RAPGEF6: variants seen among roughly 807,000 people sequenced by gnomAD.
The protein encoded by RAPGEF6 is PDZ domain containing guanine nucleotide exchange factor (GEF) 2.
Under a neutral mutation model 171.4 loss-of-function variants are expected in RAPGEF6, and 56 were observed. The observed-to-expected ratio is 0.33, with a 90% CI of 0.26 to 0.41. The LOEUF (loss-of-function observed/expected upper bound fraction) is 0.41. RAPGEF6 is among the 10% of genes least tolerant of loss of function. The pLI is 1.00. For synonymous variants in RAPGEF6, 692 were observed against 650.1 expected (o/e 1.06, Z -0.98); for missense variants, 1,674 against 1,921.4 (o/e 0.87, Z 2.41).
chr5:131,500,376 T>C (rs1469276099), intron 11 of RAPGEF6, among the ~76,000 whole-genome samples: 1 of 152,184 alleles, frequency 6.6e-6, no homozygotes, highest in African/African-American at 2.4e-5. Context: ...TAGGGTCATT[T>C]AGGTTCACTT....
At position 131,464,193 on chromosome 5, in the gene RAPGEF6, T is replaced by C. The variant is rs746519573; in HGVS notation, c.2328A>G (p.Val776=). 84 of 1,613,822 alleles carry C rather than the reference T, an allele frequency of 5.2e-5. No individual in the cohort carries two copies. In the South Asian group the frequency reaches 8.7e-4, roughly 17 times the overall value. ...IISKDTTAKE[V]VFHAVHEFGL... is the part of the protein sequence containing the mutation. ...CAAATTCATGAACAGCATGAAAAAC[T>C]ACTTCTTTAGCTGTGGTGTCTTTAC... The change falls in exon 18 of 28, where the codon GTA becomes GTG. Residue 776 remains valine (V), a synonymous_variant. Transcript: ENST00000509018.
chr5:131,595,587 A>C (rs1297939034), intron 3 of RAPGEF6, among the ~76,000 whole-genome samples: 1 of 152,194 alleles, frequency 6.6e-6, no homozygotes, highest in Non-Finnish European at 1.5e-5. Flanking sequence ...AAGGAGAAAG[A>C]GAAAGGAAAC....
intron 18 of RAPGEF6, among the ~76,000 whole-genome samples, chr5:131,463,411 T>G (rs1423515706): frequency 6.6e-6 from 1 of 152,006 alleles, no homozygotes; most frequent in African/African-American, 2.4e-5. Flanking sequence ...AAACCTCGTC[T>G]CTACTAAAAA....
chr5:131,543,623 G>A (rs774988517), intron 6 of RAPGEF6, among the ~76,000 whole-genome samples: 1 of 152,076 alleles, frequency 6.6e-6, no homozygotes, highest in Non-Finnish European at 1.5e-5. Context: ...AGGCAAACCC[G>A]GTATTACAAT....
At chr5:131,585,695 G>A (rs4705891) in intron 4 of RAPGEF6, among the ~76,000 whole-genome samples, 18,357 of 151,964 alleles carry the variant, frequency 0.12, 1,419 homozygotes, top group Middle Eastern at 0.18. Flanking sequence ...GTGTGGTGGC[G>A]GGCACCTGTA....
intron 15 of RAPGEF6, among the ~76,000 whole-genome samples, chr5:131,480,360 A>G (rs1755389548): frequency 6.6e-6 from 1 of 152,206 alleles, no homozygotes; most frequent in Admixed American, 6.5e-5. Context: ...GGATAACTAC[A>G]TATGTCACTT....
chr5:131,606,038 AAAAAAAAAAAAAAAAG>A (rs1764546831), intron 1 of RAPGEF6, among the ~76,000 whole-genome samples: 1 of 144,542 alleles, frequency 6.9e-6, no homozygotes, highest in African/African-American at 2.7e-5. Context: ...TCAAAAAAAA[AAAAAAAAAAAAAAAAG>A]AAAAAGAAAA....
intron 1 of RAPGEF6, among the ~76,000 whole-genome samples, chr5:131,628,691 T>C (rs1299721352): frequency 6.6e-6 from 1 of 152,186 alleles, no homozygotes; most frequent in Non-Finnish European, 1.5e-5. Context: ...AAGGACAGGC[T>C]GACTCCTGTT....
intron 15 of RAPGEF6, among the ~76,000 whole-genome samples, chr5:131,481,545 A>G (rs779225217): frequency 1.3e-5 from 2 of 152,164 alleles, no homozygotes; most frequent in Non-Finnish European, 2.9e-5. Flanking sequence ...ATATCTTTCT[A>G]TCAAGTCTAA....
Position 131,449,544 on chromosome 5 carries a change from T to C in RAPGEF6, c.3201-2841A>G, listed in dbSNP as rs77686353. Reference sequence around the variant, plus strand: ...ATATTTACTTTTATAAAATGTGGCATTTGAATAAAAGAAAGTGGTGTGAAC... The same window carrying C: ...ATATTTACTTTTATAAAATGTGGCACTTGAATAAAAGAAAGTGGTGTGAAC... On this transcript the variant is annotated intron_variant, in intron 21 of 27. Coordinates refer to ENST00000509018, the MANE Select transcript of RAPGEF6 (RefSeq NM_016340.6). Among the ~76,000 whole-genome samples, 1,035 of 152,282 alleles carry C rather than the reference T, an allele frequency of 6.8e-3. 7 individuals are homozygous for C. Among genetic ancestry groups the C allele is most frequent in the Non-Finnish European group, 8.7e-3 (595 of 68,018 alleles).
At chr5:131,463,991 C>A in intron 18 of RAPGEF6, 50 bp downstream of exon 18, 1 of 1,513,832 alleles carries the variant, frequency 6.6e-7, no homozygotes, top group East Asian at 2.3e-5. Context: ...AACAGGAAAT[C>A]TTCAAAAGCA....
intron 1 of RAPGEF6, among the ~76,000 whole-genome samples, chr5:131,618,223 G>C (rs1765388771): frequency 6.6e-6 from 1 of 152,046 alleles, no homozygotes; most frequent in African/African-American, 2.4e-5. Context: ...TGACAATATT[G>C]AACACAAAAA....
intron 27 of RAPGEF6, 41 bp downstream of exon 27, chr5:131,428,861 G>A: frequency 6.5e-7 from 1 of 1,545,670 alleles, no homozygotes; most frequent in Non-Finnish European, 8.9e-7. Context: ...AATGTGTTCA[G>A]CAATTCATTT....
At chr5:131,487,453 T>C (rs1204283617) in intron 15 of RAPGEF6, among the ~76,000 whole-genome samples, 1 of 152,214 alleles carries the variant, frequency 6.6e-6, no homozygotes, top group Admixed American at 6.5e-5. Context: ...AGAGTGCTAA[T>C]TGGTCCATTT....
intron 1 of RAPGEF6, 100 bp from the exon 2 acceptor site, chr5:131,604,793 C>A (rs1580662553): frequency 2.2e-6 from 3 of 1,362,404 alleles, no homozygotes; most frequent in Non-Finnish European, 2.9e-6. Flanking sequence ...CCACTTATGG[C>A]AAAGCAGTTA....
At chr5:131,478,019 A>G (rs1380428724) in intron 16 of RAPGEF6, among the ~76,000 whole-genome samples, 2 of 152,028 alleles carry the variant, frequency 1.3e-5, no homozygotes, top group Admixed American at 6.5e-5. Context: ...CTTTTCTTAC[A>G]GTGTTTGCTA....
chr5:131,444,809 T>C (rs757873100), intron 22 of RAPGEF6, among the ~76,000 whole-genome samples: 3 of 152,232 alleles, frequency 2.0e-5, no homozygotes, highest in Non-Finnish European at 1.5e-5. Context: ...TCAAATTACC[T>C]GGGAAAAAAT....
intron 4 of RAPGEF6, among the ~76,000 whole-genome samples, chr5:131,566,162 A>G (rs1428993842): frequency 2.6e-5 from 4 of 151,980 alleles, no homozygotes; most frequent in African/African-American, 7.2e-5. Context: ...AGAAAGAAAA[A>G]AAAAAAAGGA....
Position 131,564,355 on chromosome 5 carries a change from T to G in RAPGEF6, c.282-2308A>C, listed in dbSNP as rs138524225. Among the ~76,000 whole-genome samples, 697 of 151,980 alleles carry G rather than the reference T, an allele frequency of 4.6e-3. 6 individuals are homozygous for G. The highest frequency in any genetic ancestry group is 6.8e-3 in the Middle Eastern group (2 of 294). On this transcript the variant is annotated intron_variant, in intron 4 of 27. Transcript: ENST00000509018. Reference sequence around the variant, plus strand: ...ACTGTGGATATGTGAGAACAAAGAGTCACAGAGGAAAGACGACATAATACA... The same window carrying G: ...ACTGTGGATATGTGAGAACAAAGAGGCACAGAGGAAAGACGACATAATACA...
Sources: allele counts gnomAD v4.1 joint callset (sites outside exome capture counted in the v4.1 genomes callset), GRCh38; gene constraint gnomAD v4.1.1; transcripts MANE v1.5; gene names NCBI Gene and HGNC (gene_info 2026-07-23, HGNC 2026-07-21).